The following DPP10 variants were observed in gnomAD, a reference collection of about 807,000 sequenced individuals.
The protein encoded by DPP10 is inactive dipeptidyl peptidase 10.
Under a neutral mutation model 120.9 loss-of-function variants are expected in DPP10, and 33 were observed. The ratio of observed to expected loss-of-function variants is 0.27; its 90% confidence interval spans 0.21 to 0.37. DPP10 has a LOEUF of 0.37. DPP10 is among the 10% of genes least tolerant of loss of function. The pLI is 1.00. For synonymous variants in DPP10, 337 were observed against 326.1 expected (o/e 1.03, Z -0.36); for missense variants, 816 against 942.8 (o/e 0.87, Z 1.76).
At chr2:114,510,040 A>C (rs934924186) in intron 1 of DPP10, among the ~76,000 whole-genome samples, 1 of 152,216 alleles carries the variant, frequency 6.6e-6, no homozygotes, top group African/African-American at 2.4e-5. Flanking sequence ...AAAGCAAAAC[A>C]CAGAAAAGGA....
intron 1 of DPP10, among the ~76,000 whole-genome samples, chr2:115,080,864 G>A (rs1049241963): frequency 1.6e-4 from 25 of 152,090 alleles, no homozygotes; most frequent in African/African-American, 4.3e-4. Flanking sequence ...GAAAAAGTCC[G>A]TTTTTATCAG....
intron 1 of DPP10, among the ~76,000 whole-genome samples, chr2:114,932,206 A>C (rs140291432): frequency 6.6e-6 from 1 of 152,254 alleles, no homozygotes; most frequent in Non-Finnish European, 1.5e-5. Flanking sequence ...CAAGCCCTCC[A>C]GGTGACTCTG....
chr2:115,314,330 C>T (rs917425236), intron 2 of DPP10, among the ~76,000 whole-genome samples: 1 of 152,186 alleles, frequency 6.6e-6, no homozygotes, highest in Admixed American at 6.5e-5. Flanking sequence ...AGAGTCATCA[C>T]ACTGATTATC....
chr2:114,745,088 C>T (rs544848727), intron 1 of DPP10, among the ~76,000 whole-genome samples: 3 of 152,186 alleles, frequency 2.0e-5, no homozygotes, highest in South Asian at 2.1e-4. Context: ...ATTACTGGGC[C>T]GTTTACAAAA....
intron 1 of DPP10, among the ~76,000 whole-genome samples, chr2:114,548,093 T>G (rs1455321104): frequency 6.6e-6 from 1 of 152,152 alleles, no homozygotes; most frequent in African/African-American, 2.4e-5. Flanking sequence ...AAATAAAGAA[T>G]GCCCAGCTCA....
At chr2:115,663,706 A>G (rs563880322) in intron 5 of DPP10, among the ~76,000 whole-genome samples, 1 of 152,230 alleles carries the variant, frequency 6.6e-6, no homozygotes, top group Admixed American at 6.5e-5. Flanking sequence ...TCTACATATA[A>G]TACATACAGG....
chr2:114,608,704 C>CA (rs772803338), intron 1 of DPP10, among the ~76,000 whole-genome samples: 1,741 of 136,926 alleles, frequency 0.013, 37 homozygotes, highest in African/African-American at 0.041. Flanking sequence ...GCTACACAGC[C>CA]AAAAAAAAAA....
At chr2:115,079,044 C>A (rs1345084802) in intron 1 of DPP10, among the ~76,000 whole-genome samples, 1 of 152,060 alleles carries the variant, frequency 6.6e-6, no homozygotes, top group African/African-American at 2.4e-5. Flanking sequence ...ACACTTGAGT[C>A]CACGCTTGAG....
chr2:115,786,237 G>A (rs997858039), intron 17 of DPP10, among the ~76,000 whole-genome samples: 7 of 152,092 alleles, frequency 4.6e-5, no homozygotes, highest in Non-Finnish European at 7.4e-5. Flanking sequence ...TCAGAAAAAC[G>A]AATGTGTGTA....
chr2:115,245,837 C>A (rs1010302373), intron 1 of DPP10, among the ~76,000 whole-genome samples: 2 of 152,060 alleles, frequency 1.3e-5, no homozygotes, highest in African/African-American at 4.8e-5. Flanking sequence ...CTTATGACCT[C>A]CTTATATATA....
chr2:115,071,103 C>G (rs1707328713), intron 1 of DPP10, among the ~76,000 whole-genome samples: 1 of 152,118 alleles, frequency 6.6e-6, no homozygotes, highest in Admixed American at 6.5e-5. Context: ...GACTGCTTGC[C>G]AATTAAACAC....
At chr2:115,009,179 C>G (rs1275787397) in intron 1 of DPP10, among the ~76,000 whole-genome samples, 3 of 145,486 alleles carry the variant, frequency 2.1e-5, no homozygotes, top group African/African-American at 7.7e-5. Flanking sequence ...GGAACCAACC[C>G]AAATGTCCAA....
chr2:115,431,747 T>C (rs2071006563), intron 3 of DPP10, among the ~76,000 whole-genome samples: 1 of 152,092 alleles, frequency 6.6e-6, no homozygotes, highest in South Asian at 2.1e-4. Flanking sequence ...ACCCTTTGGA[T>C]ATCATCCCTC....
At chr2:114,815,128 G>A (rs1685518637) in intron 1 of DPP10, among the ~76,000 whole-genome samples, 1 of 152,214 alleles carries the variant, frequency 6.6e-6, no homozygotes, top group Admixed American at 6.5e-5. Context: ...GGTGTTGGCA[G>A]GTGGTAGGGT....
chr2:115,581,473 G>A (rs951626348), intron 5 of DPP10, among the ~76,000 whole-genome samples: 1 of 152,054 alleles, frequency 6.6e-6, no homozygotes, highest in African/African-American at 2.4e-5. Flanking sequence ...CTAGGGCCAA[G>A]GTTCCCAATC....
At chr2:114,777,525 A>G (rs1053603139) in intron 1 of DPP10, among the ~76,000 whole-genome samples, 5 of 152,128 alleles carry the variant, frequency 3.3e-5, no homozygotes, top group African/African-American at 1.2e-4. Context: ...CACTTGTTAC[A>G]GTCATAAACA....
chr2:115,546,097 G>A (rs766194170), intron 5 of DPP10, among the ~76,000 whole-genome samples: 3 of 152,180 alleles, frequency 2.0e-5, no homozygotes, highest in East Asian at 1.9e-4. Context: ...ATCTGCATTC[G>A]GATTTGGGAA....
At chr2:115,376,192 C>G (rs538193213) in intron 3 of DPP10, among the ~76,000 whole-genome samples, 10 of 152,116 alleles carry the variant, frequency 6.6e-5, no homozygotes, top group Non-Finnish European at 1.2e-4. Context: ...TAAGGAATTG[C>G]TTCTCTTGTT....
intron 1 of DPP10, among the ~76,000 whole-genome samples, chr2:114,491,661 T>C (rs1682014455): frequency 1.3e-5 from 2 of 152,156 alleles, no homozygotes; most frequent in Admixed American, 1.3e-4. Context: ...TTAGGAAAAG[T>C]TTTACCTATT....
Sources: allele counts gnomAD v4.1 joint callset (sites outside exome capture counted in the v4.1 genomes callset), GRCh38; gene constraint gnomAD v4.1.1; transcripts MANE v1.5; gene names NCBI Gene and HGNC (gene_info 2026-07-23, HGNC 2026-07-21).